The following PLXDC2 variants were observed in gnomAD, a reference collection of about 807,000 sequenced individuals.
The protein encoded by PLXDC2 is plexin domain-containing protein 2.
Under a neutral mutation model 68.9 loss-of-function variants are expected in PLXDC2, and 40 were observed. That is an observed-to-expected ratio of 0.58 (90% CI 0.45 to 0.76). The LOEUF is 0.76. Ranked by LOEUF, PLXDC2 falls within the 30% of genes least tolerant of loss-of-function variation. The pLI, the probability that PLXDC2 is intolerant of heterozygous loss-of-function variation, is 0.00. For synonymous variants in PLXDC2, 243 were observed against 234.2 expected, an observed-to-expected ratio of 1.04 and a Z score of -0.34; for missense variants, 644 against 661.9, an observed-to-expected ratio of 0.97 and a Z score of 0.30.
intron 1 of PLXDC2, among the ~76,000 whole-genome samples, chr10:19,909,733 A>C (rs1833231009): frequency 6.6e-6 from 1 of 152,202 alleles, no homozygotes; most frequent in Non-Finnish European, 1.5e-5. Flanking sequence ...ATGCCTATAC[A>C]GAATAGACAC....
At chr10:20,133,420 G>T (rs1311412479) in intron 4 of PLXDC2, among the ~76,000 whole-genome samples, 4 of 152,092 alleles carry the variant, frequency 2.6e-5, no homozygotes, top group Non-Finnish European at 2.9e-5. Flanking sequence ...TCTTTTGTTT[G>T]TCTGGGAAAT....
intron 1 of PLXDC2, among the ~76,000 whole-genome samples, chr10:19,939,164 A>C (rs1223508777): frequency 6.6e-6 from 1 of 152,242 alleles, no homozygotes; most frequent in Non-Finnish European, 1.5e-5. Context: ...AATTTGTTGA[A>C]TAATACAAAG....
chr10:19,818,477 A>G (rs924091618), intron 1 of PLXDC2, among the ~76,000 whole-genome samples: 7 of 152,086 alleles, frequency 4.6e-5, no homozygotes, highest in Non-Finnish European at 1.0e-4. Context: ...ACTGTTCTAG[A>G]TAAAGCACAG....
chr10:20,194,163 A>G (rs1291735841), intron 9 of PLXDC2, among the ~76,000 whole-genome samples: 3 of 143,080 alleles, frequency 2.1e-5, no homozygotes, highest in African/African-American at 7.5e-5. Flanking sequence ...TTATTAACTT[A>G]GACTTTGAGA....
intron 12 of PLXDC2, 30 bp from the exon 13 acceptor site, chr10:20,245,315 A>G (rs1835577430): frequency 6.3e-7 from 1 of 1,582,456 alleles, no homozygotes; most frequent in African/African-American, 1.4e-5. Flanking sequence ...TAAACTCATG[A>G]AGGTCCTGAC....
chr10:20,151,503 T>C (rs1834152365), intron 6 of PLXDC2, among the ~76,000 whole-genome samples: 1 of 152,136 alleles, frequency 6.6e-6, no homozygotes, highest in Admixed American at 6.6e-5. Context: ...ATACTTGAGG[T>C]CACAGAGCTA....
At chr10:20,250,684 C>T (rs901681787) in intron 13 of PLXDC2, among the ~76,000 whole-genome samples, 1 of 152,122 alleles carries the variant, frequency 6.6e-6, no homozygotes, top group African/African-American at 2.4e-5. Context: ...TCTTCATATG[C>T]TGTATGTAGA....
intron 4 of PLXDC2, among the ~76,000 whole-genome samples, chr10:20,112,315 T>C (rs922216023): frequency 6.6e-6 from 1 of 151,494 alleles, no homozygotes; most frequent in Non-Finnish European, 1.5e-5. Flanking sequence ...GTTACTGAAC[T>C]TAAATTGTTC....
Position 20,242,851 on chromosome 10 carries a change from A to G in PLXDC2, c.1313-2494A>G, listed in dbSNP as rs1046754617. ...CAGCCTCCTGAGTAGCTGCGATTAT[A>G]GGCGCCCGCCACCAAGCCTGGCTAA... On this transcript the variant is annotated intron_variant, in intron 12 of 13. Transcript: ENST00000377252. Among the ~76,000 whole-genome samples the G allele has an allele frequency of 4.6e-5, 7 of 152,092 alleles. 1 individual carries two copies. In the South Asian group the frequency reaches 6.2e-4, roughly 14 times the overall value.
intron 4 of PLXDC2, among the ~76,000 whole-genome samples, chr10:20,087,804 G>T (rs987145226): frequency 6.6e-6 from 1 of 152,186 alleles, no homozygotes; most frequent in African/African-American, 2.4e-5. Flanking sequence ...TTACGGGACT[G>T]TGGTTTTCAT....
chr10:20,196,179 C>T (rs911716262), intron 9 of PLXDC2, among the ~76,000 whole-genome samples: 9 of 152,168 alleles, frequency 5.9e-5, no homozygotes, highest in Admixed American at 3.9e-4. Context: ...CTCTCAACTC[C>T]GTCCTACCAA....
At chr10:20,033,809 C>A (rs558236408) in intron 2 of PLXDC2, among the ~76,000 whole-genome samples, 14 of 152,178 alleles carry the variant, frequency 9.2e-5, no homozygotes, top group Non-Finnish European at 2.1e-4. Context: ...CAAACCATAT[C>A]ATGCATATAT....
chr10:19,975,181 G>T (rs988795699), intron 1 of PLXDC2, among the ~76,000 whole-genome samples: 1 of 152,122 alleles, frequency 6.6e-6, no homozygotes, highest in Non-Finnish European at 1.5e-5. Context: ...AAGGCCTGGC[G>T]CAGTGGCTCA....
intron 13 of PLXDC2, among the ~76,000 whole-genome samples, chr10:20,265,690 G>GA (rs1242156340): frequency 6.6e-6 from 1 of 152,120 alleles, no homozygotes; most frequent in Non-Finnish European, 1.5e-5. Flanking sequence ...AAAAGATATA[G>GA]ATATTTGTAG....
intron 1 of PLXDC2, among the ~76,000 whole-genome samples, chr10:19,915,885 A>G (rs990532092): frequency 6.6e-6 from 1 of 151,506 alleles, no homozygotes; most frequent in African/African-American, 2.4e-5. Context: ...AAGAAGAAGA[A>G]AAAAAACAGC....
chr10:20,134,876 G>T (rs926772786), intron 4 of PLXDC2, among the ~76,000 whole-genome samples: 3 of 152,126 alleles, frequency 2.0e-5, no homozygotes, highest in African/African-American at 4.8e-5. Flanking sequence ...GGTTCACTGG[G>T]ATGGGCCAGT....
intron 1 of PLXDC2, among the ~76,000 whole-genome samples, chr10:19,923,108 C>T (rs999039326): frequency 6.6e-6 from 1 of 152,000 alleles, no homozygotes; most frequent in South Asian, 2.1e-4. Flanking sequence ...CTGTTCAGGG[C>T]TTTATTTCTT....
chr10:20,069,650 A>C (rs1381526963), intron 4 of PLXDC2, among the ~76,000 whole-genome samples: 1 of 150,252 alleles, frequency 6.7e-6, no homozygotes, highest in Non-Finnish European at 1.5e-5. Context: ...GCAAGACTCT[A>C]TCTCTGAAAA....
chr10:20,257,989 T>C (rs867754864), intron 13 of PLXDC2, among the ~76,000 whole-genome samples: 4 of 126,828 alleles, frequency 3.2e-5, no homozygotes, highest in African/African-American at 1.3e-4. Flanking sequence ...ATTTTCTTTT[T>C]TTTCTTTCTT....
Sources: allele counts gnomAD v4.1 joint callset (sites outside exome capture counted in the v4.1 genomes callset), GRCh38; gene constraint gnomAD v4.1.1; transcripts MANE v1.5; gene names NCBI Gene and HGNC (gene_info 2026-07-23, HGNC 2026-07-21).